Variants in TRAPPC8 observed in about 807,000 individuals in gnomAD.
The protein encoded by TRAPPC8 is trafficking protein particle complex subunit 8, also known as general sporulation gene 1 homolog.
A neutral mutation model predicts 174.3 loss-of-function variants in TRAPPC8; 54 were observed. The observed-to-expected ratio is 0.31, with a 90% confidence interval of 0.25 to 0.39. TRAPPC8 has a LOEUF of 0.39. TRAPPC8 is among the 10% of genes least tolerant of loss of function. The probability of loss-of-function intolerance (pLI) is 1.00; values close to 1 mark genes in which losing one functional copy is unlikely to be tolerated. For missense variants in TRAPPC8, 1,531 were observed against 1,699.1 expected (o/e 0.90, Z 1.74); for synonymous variants, 630 against 579.9 (o/e 1.09, Z -1.24).
chr18:31,874,770 C>A, intron 12 of TRAPPC8, 66 bp from the exon 13 acceptor site: 2 of 1,319,410 alleles, frequency 1.5e-6, no homozygotes, highest in Admixed American at 2.1e-5. Flanking sequence ...AAAACAAATA[C>A]AAACACACAC....
At chr18:31,891,504 C>T (rs2035953579) in intron 11 of TRAPPC8, among the ~76,000 whole-genome samples, 1 of 152,184 alleles carries the variant, frequency 6.6e-6, no homozygotes, top group Non-Finnish European at 1.5e-5. Flanking sequence ...GTTTCCACTT[C>T]AACTGAATCT....
In TRAPPC8 at chr18:31,857,694, G is replaced by A. The variant is rs1452113188; in HGVS notation, c.3034C>T (p.Pro1012Ser). The A allele has an allele frequency of 6.2e-7, 1 of 1,614,114 alleles. No individual in the cohort carries two copies. Among genetic ancestry groups the A allele is most frequent in the Non-Finnish European group, 8.5e-7 (1 of 1,180,012 alleles). Residue 1012 changes from proline (P) to serine (S), a missense_variant, in exon 20 of 29, where the codon CCA becomes TCA. Coordinates refer to ENST00000283351, the MANE Select transcript of TRAPPC8 (RefSeq NM_014939.5). ...GGAAGGGGAACAGGAATCACCTCTG[G>A]TTGACTTCCTGTGCCAATGCCAAAG... ...VDFGIGTGSQ[P>S]EVIPVPLPDT...
intron 27 of TRAPPC8, among the ~76,000 whole-genome samples, chr18:31,838,489 C>T (rs1011737514): frequency 1.3e-5 from 2 of 152,126 alleles, no homozygotes; most frequent in Admixed American, 6.6e-5. Context: ...ATGCCTATAT[C>T]GTACCTAGTA....
At chr18:31,871,843 T>C (rs1467505398) in intron 14 of TRAPPC8, among the ~76,000 whole-genome samples, 3 of 152,066 alleles carry the variant, frequency 2.0e-5, no homozygotes, top group South Asian at 2.1e-4. Flanking sequence ...ACAATGCTAC[T>C]ATGAATATGA....
rs1411671734 is a variant in TRAPPC8, at chr18:31,874,762, A to C, written c.1729-58T>G. 8 of 1,384,752 alleles carry C rather than the reference A, an allele frequency of 5.8e-6. No individual in the cohort carries two copies. In the African/African-American group the frequency reaches 1.2e-4, roughly 20 times the overall value. 85.8% of individuals were successfully genotyped at this position (1,384,752 alleles called of 1,614,324 possible). ...CTCCAAATTTGTTTGAACTAGAAAA[A>C]ACAAATACAAACACACACATAGAAA... On this transcript the variant is annotated intron_variant, in intron 12 of 28. Coordinates refer to ENST00000283351, the MANE Select transcript of TRAPPC8 (RefSeq NM_014939.5).
At chr18:31,878,515 A>C (rs2035272227) in intron 12 of TRAPPC8, among the ~76,000 whole-genome samples, 1 of 152,198 alleles carries the variant, frequency 6.6e-6, no homozygotes, top group Non-Finnish European at 1.5e-5. Context: ...AGTTCTAAAC[A>C]CGGAAACAAA....
intron 2 of TRAPPC8, among the ~76,000 whole-genome samples, chr18:31,927,668 G>A (rs901278919): frequency 5.3e-5 from 8 of 152,276 alleles, no homozygotes; most frequent in East Asian, 1.9e-4. Context: ...TTCCCAAAGC[G>A]CTGGGATTAG....
At chr18:31,922,319 G>A (rs895561668) in intron 2 of TRAPPC8, among the ~76,000 whole-genome samples, 9 of 152,152 alleles carry the variant, frequency 5.9e-5, no homozygotes, top group Non-Finnish European at 8.8e-5. Context: ...GTGGCTGGGC[G>A]TGGTGGCTCA....
At chr18:31,844,800 AT>A (rs2033303883) in intron 26 of TRAPPC8, among the ~76,000 whole-genome samples, 8 of 152,232 alleles carry the variant, frequency 5.3e-5, no homozygotes, top group Admixed American at 3.3e-4. Context: ...ATTACTTACT[AT>A]TATGAAAGGA....
At chr18:31,929,107 G>A (rs1025337610) in intron 2 of TRAPPC8, among the ~76,000 whole-genome samples, 9 of 151,820 alleles carry the variant, frequency 5.9e-5, no homozygotes, top group African/African-American at 1.2e-4. Context: ...TCTCGAACCC[G>A]GGAGGTGGAG....
At chr18:31,919,546 A>G in intron 2 of TRAPPC8, among the ~76,000 whole-genome samples, 1 of 101,670 alleles carries the variant, frequency 9.8e-6, no homozygotes, top group East Asian at 2.6e-4. Flanking sequence ...ATAAATAAAT[A>G]AATAAATAAA....
chr18:31,849,418 CA>C (rs567009586), intron 25 of TRAPPC8, 147 bp downstream of exon 25: 4,244 of 635,112 alleles, frequency 6.7e-3, no homozygotes, highest in South Asian at 0.011. Context: ...TTTTTTAGGC[CA>C]AAAAAAAATA....
chr18:31,891,845 G>A (rs1293568721), intron 11 of TRAPPC8, among the ~76,000 whole-genome samples: 1 of 152,088 alleles, frequency 6.6e-6, no homozygotes, highest in Non-Finnish European at 1.5e-5. Flanking sequence ...CTGTCTCTGC[G>A]TCAATCATAG....
Position 31,873,530 on chromosome 18 carries a change from AC to A in TRAPPC8, c.1961del (p.Ser654IlefsTer43), listed in dbSNP as rs759220535. 6.2e-7 allele frequency: 1 copy of A among 1,609,060 alleles called. No homozygotes were observed. Among genetic ancestry groups the A allele is most frequent in the South Asian group, 1.1e-5 (1 of 89,656 alleles). ...REYLYVYKNV[S>X]QLSPDGPLPQ... is the part of the protein sequence containing the mutation. ...GCAAAGGACCATCTGGTGACAGCTG[AC>A]TTACATTCTGAGAGAAATATAAAAG... On this transcript the variant is annotated frameshift_variant, in exon 14 of 29. Transcript: ENST00000283351. LOFTEE classifies it high-confidence loss of function.
intron 12 of TRAPPC8, among the ~76,000 whole-genome samples, chr18:31,887,092 G>A (rs138363276): frequency 1.6e-3 from 237 of 152,216 alleles, no homozygotes; most frequent in Middle Eastern, 3.4e-3. Context: ...ATACAACCCT[G>A]TTTTAAATTC....
chr18:31,867,804 G>A (rs779762041), intron 16 of TRAPPC8, among the ~76,000 whole-genome samples: 1 of 151,966 alleles, frequency 6.6e-6, no homozygotes. Context: ...GCTTGAACCC[G>A]GGAGGTGGAG....
At chr18:31,858,868 C>T (rs1446233136) in intron 19 of TRAPPC8, among the ~76,000 whole-genome samples, 1 of 148,920 alleles carries the variant, frequency 6.7e-6, no homozygotes, top group African/African-American at 2.6e-5. Flanking sequence ...GTTGGTGGAT[C>T]CCAGAGTTGG....
chr18:31,936,417 T>C lies in TRAPPC8; in HGVS notation c.158-4894A>G, dbSNP rs1410847062. Among the ~76,000 whole-genome samples the C allele has an allele frequency of 2.6e-5, 4 of 152,140 alleles. No individual in the cohort carries two copies. In the East Asian group the frequency reaches 5.8e-4, roughly 22 times the overall value. On this transcript the variant is annotated intron_variant, in intron 1 of 28. Transcript: ENST00000283351. ...AGGTCGAGGCTGCAGTGAACCATGATCATGCCCCCTGTATCCAGCCTAGGT... is the reference window on the plus strand; with the variant it reads ...AGGTCGAGGCTGCAGTGAACCATGACCATGCCCCCTGTATCCAGCCTAGGT...
At chr18:31,856,347 T>C (rs965012145) in intron 20 of TRAPPC8, among the ~76,000 whole-genome samples, 3 of 152,068 alleles carry the variant, frequency 2.0e-5, no homozygotes, top group Admixed American at 1.3e-4. Context: ...TTCTAGGATA[T>C]TTAGGGTTAA....
Sources: gnomAD v4.1 joint callset for allele counts (sites outside exome capture counted in the v4.1 genomes callset) on GRCh38, gnomAD v4.1.1 for gene constraint, MANE v1.5 for transcripts, NCBI Gene and HGNC (gene_info 2026-07-23, HGNC 2026-07-21) for gene names.